Variants in APC2 observed in about 807,000 individuals in gnomAD.
APC2 encodes the protein APC regulator of Wnt signaling pathway 2, also known as adenomatous polyposis coli protein 2.
APC2 carries 41 observed loss-of-function variants against 72.5 expected under a neutral mutation model. The ratio of observed to expected loss-of-function variants is 0.57; its 90% CI spans 0.44 to 0.73. The LOEUF (loss-of-function observed/expected upper bound fraction) is 0.73, where lower values mean the gene tolerates loss of function less well. Ranked by LOEUF, APC2 falls within the 30% of genes least tolerant of loss-of-function variation. The pLI, the probability that APC2 is intolerant of heterozygous loss-of-function variation, is 0.00. For missense variants in APC2, 3,729 were observed against 3,403.4 expected (o/e 1.10, Z -2.38); for synonymous variants, 1,898 against 1,612.0 (o/e 1.18, Z -4.25).
rs1033578618 is a variant in APC2, at chr19:1,461,420, A to C, written c.1638+267A>C. On this transcript the variant is annotated intron_variant, in intron 13 of 14. Coordinates refer to ENST00000590469, the MANE Select transcript of APC2 (RefSeq NM_005883.3). ...TCAGACCCCATCTCTACTAAAAAAA[A>C]CAGCCAGGCGTGGCAGCGGGCGCCT... 4 of 515,382 alleles carry C rather than the reference A, an allele frequency of 7.8e-6. No individual in the cohort carries two copies. In the Admixed American group the frequency reaches 1.0e-4, roughly 13 times the overall value. 31.9% of individuals were successfully genotyped at this position (515,382 alleles called of 1,614,324 possible). A position where few individuals can be genotyped will look rare whatever the true frequency, so the allele number is the denominator to read the frequency against.
chr19:1,453,155 A>G lies in APC2; in HGVS notation c.141+13A>G. 1.9e-6 allele frequency: 3 copies of G among 1,594,192 alleles called. No homozygotes were observed. Among genetic ancestry groups the G allele is most frequent in the Non-Finnish European group, 2.6e-6 (3 of 1,170,900 alleles). ...GTCGGGCATGAAGGTGGGGGCCTAC[A>G]TGGAGGAGGTGGGCTAGGGTCCCGG... On this transcript the variant is annotated intron_variant, in intron 2 of 14. Coordinates refer to ENST00000590469, the MANE Select transcript of APC2 (RefSeq NM_005883.3).
At chr19:1,459,295 C>T (rs2083887973) in intron 10 of APC2, among the ~76,000 whole-genome samples, 2 of 152,040 alleles carry the variant, frequency 1.3e-5, no homozygotes, top group African/African-American at 4.8e-5. Context: ...ACCTCTGCCT[C>T]CCGGGTTTAA....
chr19:1,465,073 C>G, intron 14 of APC2, 82 bp from the exon 15 acceptor site: 1 of 1,481,560 alleles, frequency 6.7e-7, no homozygotes, highest in Middle Eastern at 1.8e-4. Flanking sequence ...TTTACTTTTA[C>G]CTGCCACATC....
chr19:1,468,230 C>T lies in APC2; in HGVS notation c.4929C>T (p.Pro1643=), dbSNP rs1379008219. The T allele has an allele frequency of 1.3e-6, 2 of 1,484,976 alleles. No homozygotes were observed. Among genetic ancestry groups the T allele is most frequent in the Non-Finnish European group, 1.8e-6 (2 of 1,124,788 alleles). 92.0% of individuals were successfully genotyped at this position (1,484,976 alleles called of 1,614,324 possible). A position where few individuals can be genotyped will look rare whatever the true frequency, so the allele number is the denominator to read the frequency against. Residue 1643 remains proline (P), a synonymous_variant, in exon 15 of 15, where the codon CCC becomes CCT. Coordinates refer to ENST00000590469, the MANE Select transcript of APC2 (RefSeq NM_005883.3). ...ISSALPRRRP[P]VSGLRRRKPR... is the part of the protein sequence containing the mutation. ...CGGCCCTGCCCAGGCGCCGGCCCCC[C>T]GTGTCTGGCCTGCGGCGCCGCAAGC...
rs1443500946 is a variant in APC2, at chr19:1,467,838, G to A, written c.4537G>A (p.Asp1513Asn). The A allele has an allele frequency of 6.5e-6, 10 of 1,527,404 alleles. No individual in the cohort carries two copies. In the African/African-American group the frequency reaches 1.3e-4, roughly 19 times the overall value. The allele number at this position is 1,527,404 out of a possible 1,614,324, so 94.6% of individuals were successfully genotyped here. ...GGCCGTGTACTGCTTCTACGGCAAC[G>A]ACTCGGACGAGGAGCCCCCGGCGGC... ...EEAVYCFYGN[D>N]SDEEPPAAAP... The change falls in exon 15 of 15, where the codon GAC (aspartate) becomes AAC (asparagine). Residue 1513 changes from aspartate (D) to asparagine (N), a missense_variant. Coordinates refer to ENST00000590469, the MANE Select transcript of APC2 (RefSeq NM_005883.3).
chr19:1,466,824 T>A lies in APC2; in HGVS notation c.3523T>A (p.Ser1175Thr), dbSNP rs1259146094. The change falls in exon 15 of 15, where the codon TCC (serine) becomes ACC (threonine). Residue 1175 changes from serine to threonine, a missense_variant. Coordinates refer to ENST00000590469, the MANE Select transcript of APC2 (RefSeq NM_005883.3). ...CTCGCTGGGCAGCTTCGAGAGCCCG[T>A]CCATCGCCAGCTCCATCCCCAGTGA... ...VSSLGSFESPSIASSIPSEPC... is the reference protein window; with the variant it reads ...VSSLGSFESPTIASSIPSEPC... 1 of 1,554,876 alleles carries A rather than the reference T, an allele frequency of 6.4e-7. No homozygotes were observed. The highest frequency in any genetic ancestry group is 1.4e-5 in the African/African-American group (1 of 73,442).
chr19:1,458,319 G>A, intron 10 of APC2: 2 of 544,822 alleles, frequency 3.7e-6, no homozygotes, highest in East Asian at 3.1e-5. Context: ...AAGTTCCCTG[G>A]GGCTCAGAAC....
chr19:1,455,331 C>A, intron 5 of APC2, 53 bp from the exon 6 acceptor site: 1 of 1,590,350 alleles, frequency 6.3e-7, no homozygotes, highest in African/African-American at 1.3e-5. Flanking sequence ...GGGGGAGGAA[C>A]GGGGCCTGGC....
At chr19:1,453,755 A>G in intron 4 of APC2, 144 bp downstream of exon 4, 6 of 1,164,730 alleles carry the variant, frequency 5.2e-6, no homozygotes, top group Non-Finnish European at 3.6e-6. Flanking sequence ...CTGCCCACCG[A>G]ACAACCCCGC....
At position 1,450,639 on chromosome 19, in the gene APC2, C is replaced by T. The variant is rs529856668; in HGVS notation, c.-19+301C>T. On this transcript the variant is annotated intron_variant, in intron 1 of 14. Transcript: ENST00000590469. ...GCTGCACCTCTCTGGGTGTCAGTTT[C>T]CCTCTCTGGAAAGAGGGGGTTTGGA... is the stretch of plus-strand genomic sequence containing the variant. 7.2e-5 allele frequency among the ~76,000 whole-genome samples: 11 copies of T among 152,330 alleles called. No individual in the cohort carries two copies. The South Asian group carries it at 2.3e-3, about 32-fold the overall frequency.
intron 8 of APC2, 21 bp from the exon 9 acceptor site, chr19:1,456,832 C>A (rs1034427895): frequency 1.3e-5 from 21 of 1,587,640 alleles, no homozygotes; most frequent in Non-Finnish European, 1.7e-5. Context: ...GGACCCCACC[C>A]TGACCCTGCC....
chr19:1,467,109 G>A lies in APC2; in HGVS notation c.3808G>A (p.Glu1270Lys), dbSNP rs375687043. ...SVRFTVEKPD[E>K]NFSCASSLSA... ...GCGCTTTACCGTGGAGAAGCCAGAC[G>A]AGAACTTCTCGTGCGCCTCCAGCCT... The change falls in exon 15 of 15, where the codon GAG becomes AAG. Residue 1270 changes from glutamate to lysine, a missense_variant. By Grantham distance (56) the Glu-to-Lys change is moderately conservative. Transcript: ENST00000590469. 1.2e-6 allele frequency: 2 copies of A among 1,601,252 alleles called. No individual in the cohort carries two copies. The highest frequency in any genetic ancestry group is 1.1e-5 in the South Asian group (1 of 90,646).
rs779328841 is a variant in APC2 at position 1,456,159 on chromosome 19, G to A, written c.717+6G>A. ...TGCAGCAGACGGAGCCCCAGGTACC[G>A]GGTGGGGCAGAGCCAGGGACCAGGG... On this transcript the variant is annotated splice_donor_region_variant and intron_variant, in intron 7 of 14. Transcript: ENST00000590469. The A allele has an allele frequency of 5.1e-6, 8 of 1,581,904 alleles. No individual in the cohort carries two copies. Among genetic ancestry groups the A allele is most frequent in the South Asian group, 4.6e-5 (4 of 87,406 alleles).
In APC2 at chr19:1,465,769, G is replaced by A. The variant is rs1197324015; in HGVS notation, c.2468G>A (p.Arg823His). Residue 823 changes from arginine (R) to histidine (H), a missense_variant, in exon 15 of 15, where the codon CGC becomes CAC. Arg to His is a conservative substitution (Grantham distance 29). Transcript: ENST00000590469. Reference sequence around the variant, plus strand: ...GCGCTGGCTCGCACCCCGCCCACCCGCCGAGGCGGCAAGGAGGCAGAGAAG... The same window carrying A: ...GCGCTGGCTCGCACCCCGCCCACCCACCGAGGCGGCAAGGAGGCAGAGAAG... ...GQALARTPPTRRGGKEAEKDT... is the reference protein window; with the variant it reads ...GQALARTPPTHRGGKEAEKDT... 2 of 1,553,296 alleles carry A rather than the reference G, an allele frequency of 1.3e-6. No individual in the cohort carries two copies. Among genetic ancestry groups the A allele is most frequent in the East Asian group, 2.4e-5 (1 of 42,062 alleles).
chr19:1,456,824 A>AC (rs752723125), intron 8 of APC2, 29 bp from the exon 9 acceptor site: 135 of 1,580,228 alleles, frequency 8.5e-5, no homozygotes, highest in Non-Finnish European at 1.1e-4. Context: ...CAGGTGAGGG[A>AC]CCCCACCCTG....
At chr19:1,457,350 G>C in intron 9 of APC2, 107 bp downstream of exon 9, 7 of 1,410,944 alleles carry the variant, frequency 5.0e-6, no homozygotes, top group Non-Finnish European at 6.5e-6. Context: ...GCCTTCTGGC[G>C]TTGGAGGCTG....
At position 1,458,125 on chromosome 19, in the gene APC2, C is replaced by T. The variant is rs142105979; in HGVS notation, c.1303+65C>T. ...CCCGAACAGGTGGTGGCTCCTCGGC[C>T]GCTAAAGGGACACAGGCTGGGTCAT... is the stretch of plus-strand genomic sequence containing the variant. On this transcript the variant is annotated intron_variant, in intron 10 of 14. Coordinates refer to ENST00000590469, the MANE Select transcript of APC2 (RefSeq NM_005883.3). The T allele has an allele frequency of 9.1e-4, 1,297 of 1,422,706 alleles. 16 individuals are homozygous for T. In the African/African-American group the frequency reaches 0.016, roughly 17 times the overall value. The allele number at this position is 1,422,706 out of a possible 1,614,324, so 88.1% of individuals were successfully genotyped here.
In APC2 at chr19:1,466,034, G is replaced by C. The variant is rs531596908; in HGVS notation, c.2733G>C (p.Pro911=). ...GAGAGGCAGGAAGCCGGGCGCACCC[G>C]CTGCTGCGGCTCAAGGCGGCCCACG... The part of the protein sequence containing the change: ...GRREAGSRAH[P]LLRLKAAHAS... The change falls in exon 15 of 15, where the codon CCG becomes CCC. Residue 911 remains proline, a synonymous_variant. Transcript: ENST00000590469. The C allele has an allele frequency of 2.9e-5, 43 of 1,495,286 alleles. No homozygotes were observed. The highest frequency in any genetic ancestry group is 3.8e-5 in the Non-Finnish European group (43 of 1,132,766). The allele number at this position is 1,495,286 out of a possible 1,614,324, so 92.6% of individuals were successfully genotyped here. A position where few individuals can be genotyped will look rare whatever the true frequency, so the allele number is the denominator to read the frequency against.
At chr19:1,457,629 T>G in intron 9 of APC2, 1 of 494,538 alleles carries the variant, frequency 2.0e-6, no homozygotes, top group African/African-American at 2.0e-5. Context: ...GCCCAGGAAT[T>G]TGGGGCTGCA....
Sources: gnomAD v4.1 joint callset for allele counts (sites outside exome capture counted in the v4.1 genomes callset) on GRCh38, gnomAD v4.1.1 for gene constraint, MANE v1.5 for transcripts, NCBI Gene and HGNC (gene_info 2026-07-23, HGNC 2026-07-21) for gene names.